NBPF10: variants seen among roughly 807,000 people sequenced by gnomAD.
NBPF10 encodes the protein NBPF member 10, also known as NBPF family member NBPF10.
A neutral mutation model predicts 77.9 loss-of-function variants in NBPF10; 63 were observed. The ratio of observed to expected loss-of-function variants is 0.81; its 90% CI spans 0.66 to 1.00. NBPF10 has a LOEUF of 1.00. Among genes scored for constraint, NBPF10 ranks in the 50% least tolerant of loss-of-function variants. The pLI, the probability that NBPF10 is intolerant of heterozygous loss-of-function variation, is 0.00. For missense variants in NBPF10, 522 were observed against 679.8 expected, an observed-to-expected ratio of 0.77 and a Z score of 2.58; for synonymous variants, 146 against 264.5, an observed-to-expected ratio of 0.55 and a Z score of 4.35.
Position 146,069,724 on chromosome 1 carries a change from G to C in NBPF10, c.10638-9C>G. The C allele has an allele frequency of 2.6e-6, 2 of 757,100 alleles. No homozygotes were observed. Among genetic ancestry groups the C allele is most frequent in the Admixed American group, 4.0e-5 (2 of 50,524 alleles). 46.9% of individuals were successfully genotyped at this position (757,100 alleles called of 1,614,324 possible). A position where few individuals can be genotyped will look rare whatever the true frequency, so the allele number is the denominator to read the frequency against. ...GCAGCTCCCTGCTGAGCCTGGAAAA[G>C]TGGGAAAAAGTAAAGAATAAGCCAG... is the stretch of plus-strand genomic sequence containing the variant. On this transcript the variant is annotated splice_polypyrimidine_tract_variant and intron_variant, in intron 85 of 89. Transcript: ENST00000583866.
intron 6 of NBPF10, among the ~76,000 whole-genome samples, chr1:146,137,013 C>T (rs1487249412): frequency 4.7e-4 from 68 of 143,446 alleles, no homozygotes; most frequent in African/African-American, 1.6e-3. Flanking sequence ...GGAAATATGC[C>T]CAAATGCTAA....
At chr1:146,126,458 A>T in intron 13 of NBPF10, 50 bp from the exon 14 acceptor site, 9 of 790,706 alleles carry the variant, frequency 1.1e-5, no homozygotes, top group Non-Finnish European at 2.1e-5. Flanking sequence ...ATCAGAAACC[A>T]CACAGCCCCA....
chr1:146,139,052 G>A (rs1331818750), intron 5 of NBPF10, among the ~76,000 whole-genome samples: 7 of 138,648 alleles, frequency 5.0e-5, no homozygotes, highest in African/African-American at 1.5e-4. Context: ...CCAAAGTGCT[G>A]GGATTAAGAT....
At chr1:146,139,033 C>T (rs1456771495) in intron 5 of NBPF10, among the ~76,000 whole-genome samples, 3 of 140,338 alleles carry the variant, frequency 2.1e-5, no homozygotes, top group Non-Finnish European at 4.9e-5. Context: ...TTCCGCCCAC[C>T]TCAGCCTCCC....
exon 14 of NBPF10, chr1:146,126,240 C>A (rs782305840): frequency 8.1e-6 from 13 of 1,605,278 alleles, no homozygotes; most frequent in Non-Finnish European, 1.1e-5. Flanking sequence ...ACTCACCATC[C>A]ATGTCAATAG....
intron 2 of NBPF10, among the ~76,000 whole-genome samples, 179 bp from the exon 3 acceptor site, chr1:146,141,997 C>T (rs1553797558): frequency 0.012 from 1,480 of 125,728 alleles, 6 homozygotes; most frequent in African/African-American, 0.036. Context: ...ACAGGCTTTC[C>T]CTCTATCAGA....
chr1:146,073,118 G>C lies in NBPF10; in HGVS notation c.10131-217C>G. On this transcript the variant is annotated intron_variant, in intron 81 of 89. Coordinates refer to ENST00000583866, the Ensembl canonical transcript of NBPF10. ...GGGAGAGGGAGAGAGAGAGAGGGAG[G>C]AGAAAGTGAGCTCAGCGAATTGGCC... Among the ~76,000 whole-genome samples the C allele has an allele frequency of 2.7e-5, 2 of 73,446 alleles. 1 individual carries two copies. The highest frequency in any genetic ancestry group is 5.0e-5 in the Non-Finnish European group (2 of 39,994). 48.2% of individuals were successfully genotyped at this position (73,446 alleles called of 152,430 possible).
chr1:146,139,307 C>T (rs1378521684), intron 5 of NBPF10, among the ~76,000 whole-genome samples: 34 of 149,408 alleles, frequency 2.3e-4, no homozygotes, highest in African/African-American at 6.1e-4. Flanking sequence ...GACGGGGTTT[C>T]ACCGTGTTAG....
At chr1:146,136,491 G>A (rs782605782) in intron 6 of NBPF10, 36 bp from the exon 7 acceptor site, 1 of 1,599,136 alleles carries the variant, frequency 6.3e-7, no homozygotes, top group Admixed American at 1.7e-5. Context: ...TCAGTGGAAG[G>A]CTGGACATGC....
At chr1:146,086,649 T>A (rs1656705531) in intron 64 of NBPF10, among the ~76,000 whole-genome samples, 1 of 68,478 alleles carries the variant, frequency 1.5e-5, no homozygotes, top group Non-Finnish European at 2.5e-5. Flanking sequence ...CATACTTCTG[T>A]GAATTTTTTA....
Position 146,126,254 on chromosome 1 carries a change from AG to A in NBPF10, c.2007del (p.Leu670TrpfsTer58). 1 of 1,608,632 alleles carries A rather than the reference AG, an allele frequency of 6.2e-7. No homozygotes were observed. The highest frequency in any genetic ancestry group is 8.5e-7 in the Non-Finnish European group (1 of 1,177,138). The stretch of plus-strand genomic sequence containing the variant: ...TACTCACCATCCATGTCAATAGCCA[AG>A]CCAACACGCTGTTGCTCCAATATGT... On this transcript the variant is annotated frameshift_variant, in exon 14 of 90. Coordinates refer to ENST00000583866, the Ensembl canonical transcript of NBPF10. LOFTEE classifies it high-confidence loss of function.
chr1:146,126,108 A>G lies in NBPF10; in HGVS notation c.2026+128T>C, dbSNP rs587597795. 128 of 701,760 alleles carry G rather than the reference A, an allele frequency of 1.8e-4. 1 individual carries two copies. The South Asian group carries it at 1.9e-3, about 10-fold the overall frequency. 43.5% of individuals were successfully genotyped at this position (701,760 alleles called of 1,614,324 possible). On this transcript the variant is annotated intron_variant, in intron 14 of 89. Transcript: ENST00000583866. ...GTGGAACTAGAGTTTCATTCAACCTACATGTGCCTATAGGTCCTCCCTGTG... is the reference window on the plus strand; with the variant it reads ...GTGGAACTAGAGTTTCATTCAACCTGCATGTGCCTATAGGTCCTCCCTGTG...
chr1:146,126,366 C>T (rs12135693), exon 14 of NBPF10: 11 of 1,389,034 alleles, frequency 7.9e-6, no homozygotes, highest in Non-Finnish European at 1.1e-5. Flanking sequence ...GTGAGTCCTG[C>T]AAGACTTCAG....
chr1:146,125,778 C>A (rs1274075572), intron 14 of NBPF10, among the ~76,000 whole-genome samples: 1 of 144,802 alleles, frequency 6.9e-6, no homozygotes, highest in African/African-American at 2.7e-5. Context: ...AATGGTTATG[C>A]CATATTTTTC....
chr1:146,136,779 TCTC>T (rs1438136303), intron 6 of NBPF10, among the ~76,000 whole-genome samples: 364 of 146,318 alleles, frequency 2.5e-3, no homozygotes, highest in Non-Finnish European at 3.6e-3. Flanking sequence ...CCTTGCAGCC[TCTC>T]CTCTAAAACA....
chr1:146,140,805 G>A (rs1299427822), intron 3 of NBPF10, among the ~76,000 whole-genome samples: 1 of 115,966 alleles, frequency 8.6e-6, no homozygotes, highest in Admixed American at 9.0e-5. Context: ...CATATCACTG[G>A]AGGCTTGTGC....
chr1:146,126,236 C>T (rs781981061), exon 14 of NBPF10: 8 of 1,602,472 alleles, frequency 5.0e-6, no homozygotes, highest in Admixed American at 3.3e-5. Flanking sequence ...AGGTACTCAC[C>T]ATCCATGTCA....
chr1:146,134,369 C>T (rs1190841716), intron 8 of NBPF10, 104 bp from the exon 9 acceptor site: 10 of 912,262 alleles, frequency 1.1e-5, no homozygotes, highest in South Asian at 5.3e-5. Flanking sequence ...CATGGGTCAC[C>T]GTTCAACTGA....
chr1:146,067,850 G>C (rs587771446), intron 88 of NBPF10, among the ~76,000 whole-genome samples, 153 bp downstream of exon 88: 1 of 151,950 alleles, frequency 6.6e-6, no homozygotes, highest in Admixed American at 6.6e-5. Flanking sequence ...GCTTCCAGCT[G>C]AGACTACAGT....
Sources: gnomAD v4.1 joint callset for allele counts (sites outside exome capture counted in the v4.1 genomes callset) on GRCh38, gnomAD v4.1.1 for gene constraint, MANE v1.5 for transcripts, NCBI Gene and HGNC (gene_info 2026-07-23, HGNC 2026-07-21) for gene names.